LRRC75A: variants seen among roughly 807,000 people sequenced by gnomAD.
LRRC75A encodes leucine rich repeat containing 75A.
Under a neutral mutation model 26.0 loss-of-function variants are expected in LRRC75A, and 12 were observed. The observed-to-expected ratio is 0.46, with a 90% confidence interval of 0.30 to 0.75. LRRC75A has a LOEUF of 0.75. Ranked by LOEUF, LRRC75A falls within the 30% of genes least tolerant of loss-of-function variation. The pLI is 0.08. For missense variants in LRRC75A, 410 were observed against 486.6 expected (o/e 0.84, Z 1.48); for synonymous variants, 223 against 219.3 (o/e 1.02, Z -0.15).
At chr17:16,477,017 C>T (rs1974599) in intron 1 of LRRC75A, among the ~76,000 whole-genome samples, 77,770 of 150,880 alleles carry the variant, frequency 0.52, 21,982 homozygotes, top group African/African-American at 0.75. Context: ...GGATTACAGG[C>T]GTGAGCCACT....
At chr17:16,485,578 C>A (rs2093844373) in intron 1 of LRRC75A, among the ~76,000 whole-genome samples, 1 of 151,272 alleles carries the variant, frequency 6.6e-6, no homozygotes, top group African/African-American at 2.4e-5. Context: ...GTTATAGCAG[C>A]CGGAAAGGAC....
rs746026142 is a variant in LRRC75A, at chr17:16,443,810, G to A, written c.813C>T (p.Asn271=). Residue 271 remains asparagine (N), a synonymous_variant, in exon 4 of 4, where the codon AAC becomes AAT. Transcript: ENST00000470794. Reference sequence around the variant, plus strand: ...GCTGGGGCAAGGAGAAGATGTCCACGTTGTTGCCCAGGTCAATCCACGTGA... The same window carrying A: ...GCTGGGGCAAGGAGAAGATGTCCACATTGTTGCCCAGGTCAATCCACGTGA... The part of the protein sequence containing the change: ...PNVTWIDLGN[N]VDIFSLPQPF... 9.9e-6 allele frequency: 16 copies of A among 1,613,822 alleles called. No individual in the cohort carries two copies. Among genetic ancestry groups the A allele is most frequent in the South Asian group, 3.3e-5 (3 of 91,090 alleles).
At chr17:16,473,822 G>A (rs1006408828) in intron 1 of LRRC75A, among the ~76,000 whole-genome samples, 2 of 152,218 alleles carry the variant, frequency 1.3e-5, no homozygotes, top group East Asian at 3.9e-4. Context: ...CGACGGTGAC[G>A]AGTGTTGCCA....
At chr17:16,486,696 C>G (rs918258442) in intron 1 of LRRC75A, among the ~76,000 whole-genome samples, 1 of 152,218 alleles carries the variant, frequency 6.6e-6, no homozygotes, top group Non-Finnish European at 1.5e-5. Flanking sequence ...TGCCACAGAG[C>G]CTGGGCACCA....
chr17:16,451,207 G>A (rs1248465892), intron 2 of LRRC75A, among the ~76,000 whole-genome samples: 5 of 152,182 alleles, frequency 3.3e-5, no homozygotes, highest in Admixed American at 6.5e-5. Context: ...TGGACACCAA[G>A]AAGAGTGACT....
intron 3 of LRRC75A, among the ~76,000 whole-genome samples, chr17:16,445,783 C>T (rs1365383756): frequency 1.3e-5 from 2 of 152,216 alleles, no homozygotes; most frequent in Admixed American, 6.5e-5. Flanking sequence ...TTAATAAAGA[C>T]CCATTCCACC....
chr17:16,455,630 C>G (rs1190159468), intron 2 of LRRC75A, among the ~76,000 whole-genome samples: 1 of 152,184 alleles, frequency 6.6e-6, no homozygotes, highest in African/African-American at 2.4e-5. Flanking sequence ...GGTCCACCTG[C>G]CTCGACCTCC....
At chr17:16,471,221 C>T (rs1488764463) in intron 1 of LRRC75A, among the ~76,000 whole-genome samples, 5 of 152,178 alleles carry the variant, frequency 3.3e-5, no homozygotes, top group African/African-American at 9.7e-5. Context: ...GGGAGTGATG[C>T]GGCCACAACC....
At chr17:16,472,627 C>T (rs2093810197) in intron 1 of LRRC75A, among the ~76,000 whole-genome samples, 1 of 152,166 alleles carries the variant, frequency 6.6e-6, no homozygotes, top group Non-Finnish European at 1.5e-5. Flanking sequence ...ATACGGAAAT[C>T]TGGTATTTCA....
rs561282806 is a variant in LRRC75A at position 16,449,686 on chromosome 17, G to A, written c.376-1726C>T. 6.6e-5 allele frequency among the ~76,000 whole-genome samples: 10 copies of A among 152,140 alleles called. No individual in the cohort carries two copies. In the South Asian group the frequency reaches 1.5e-3, roughly 22 times the overall value. Reference sequence around the variant, plus strand: ...GGCTGGAGTGCAATGGCACGATCTCGGCTCACTGCAACCTCCGCCACCTGG... The same window carrying A: ...GGCTGGAGTGCAATGGCACGATCTCAGCTCACTGCAACCTCCGCCACCTGG... On this transcript the variant is annotated intron_variant, in intron 2 of 3. Coordinates refer to ENST00000470794, the MANE Select transcript of LRRC75A (RefSeq NM_001113567.3).
intron 2 of LRRC75A, among the ~76,000 whole-genome samples, chr17:16,452,209 A>T (rs1601099664): frequency 1.5e-5 from 2 of 132,904 alleles, no homozygotes; most frequent in Non-Finnish European, 3.2e-5. Context: ...AAAAAAAAAA[A>T]AGCCCATCAT....
chr17:16,447,827 C>CG lies in LRRC75A; in HGVS notation c.491+17dup. 1 of 1,516,470 alleles carries CG rather than the reference C, an allele frequency of 6.6e-7. No homozygotes were observed. Among genetic ancestry groups the CG allele is most frequent in the Non-Finnish European group, 8.9e-7 (1 of 1,123,762 alleles). 93.9% of individuals were successfully genotyped at this position (1,516,470 alleles called of 1,614,324 possible). ...ACACTCAGCCTGGCATAGACCTGCC[C>CG]GGGGGAGTGTAACTCACCAGGCCTG... On this transcript the variant is annotated intron_variant, in intron 3 of 3. Transcript: ENST00000470794.
chr17:16,444,731 G>C (rs1325266915), intron 3 of LRRC75A, among the ~76,000 whole-genome samples: 3 of 151,894 alleles, frequency 2.0e-5, no homozygotes, highest in African/African-American at 4.8e-5. Context: ...TCTTGGGACA[G>C]AGCCCAGGCA....
chr17:16,485,599 G>A (rs951963574), intron 1 of LRRC75A, among the ~76,000 whole-genome samples: 1 of 151,340 alleles, frequency 6.6e-6, no homozygotes, highest in Non-Finnish European at 1.5e-5. Context: ...TAAGACAGTC[G>A]GCAAGAACAG....
chr17:16,484,473 G>A (rs1446890904), intron 1 of LRRC75A, among the ~76,000 whole-genome samples: 1 of 152,118 alleles, frequency 6.6e-6, no homozygotes, highest in Admixed American at 6.5e-5. Flanking sequence ...CTGCTCTCCT[G>A]CCCAAGGCAC....
chr17:16,461,902 C>T (rs1210223928), intron 2 of LRRC75A, among the ~76,000 whole-genome samples: 1 of 151,908 alleles, frequency 6.6e-6, no homozygotes, highest in Non-Finnish European at 1.5e-5. Flanking sequence ...ACCTGTACAA[C>T]TGTATGTGGT....
chr17:16,457,307 G>A (rs1198189097), intron 2 of LRRC75A, among the ~76,000 whole-genome samples: 1 of 152,190 alleles, frequency 6.6e-6, no homozygotes, highest in Non-Finnish European at 1.5e-5. Flanking sequence ...GAGACTGTGT[G>A]CCGGCTTTTC....
At chr17:16,473,312 A>ACTAGCAAAAGTAATAAAAGCAACTG (rs1247293124) in intron 1 of LRRC75A, among the ~76,000 whole-genome samples, 13 of 152,318 alleles carry the variant, frequency 8.5e-5, no homozygotes, top group African/African-American at 2.9e-4. Context: ...AGCAAAGCAG[A>ACTAGCAAAAGTAATAAAAGCAACTG]CTAGCAAAAG....
intron 1 of LRRC75A, among the ~76,000 whole-genome samples, chr17:16,486,180 G>A (rs1033649046): frequency 5.3e-5 from 8 of 152,148 alleles, no homozygotes; most frequent in Non-Finnish European, 1.0e-4. Context: ...AATGACACTG[G>A]GGGGAGGGGA....
Sources: gnomAD v4.1 joint callset for allele counts (sites outside exome capture counted in the v4.1 genomes callset) on GRCh38, gnomAD v4.1.1 for gene constraint, MANE v1.5 for transcripts, NCBI Gene and HGNC (gene_info 2026-07-23, HGNC 2026-07-21) for gene names.